Variants in ANO2 observed in about 807,000 individuals in gnomAD.
ANO2 encodes anoctamin 2.
In ANO2, 101 loss-of-function variants were observed where a neutral mutation model predicts 124.2. The ratio of observed to expected loss-of-function variants is 0.81; its 90% confidence interval spans 0.69 to 0.96. The LOEUF is 0.96. ANO2 is among the 40% of genes least tolerant of loss of function. The pLI is 0.00. For synonymous variants in ANO2, 486 were observed against 482.5 expected (o/e 1.01, Z -0.09); for missense variants, 1,293 against 1,274.5 (o/e 1.01, Z -0.22).
chr12:5,764,810 C>T (rs761707811), intron 10 of ANO2, among the ~76,000 whole-genome samples: 12 of 152,148 alleles, frequency 7.9e-5, no homozygotes, highest in African/African-American at 1.2e-4. Context: ...GCACTCTCTC[C>T]ACTCACACAA....
chr12:5,746,375 T>C (rs559273762), intron 11 of ANO2, among the ~76,000 whole-genome samples: 1 of 152,286 alleles, frequency 6.6e-6, no homozygotes, highest in South Asian at 2.1e-4. Flanking sequence ...TATATATGTA[T>C]TGGGGGGTTT....
In ANO2 at chr12:5,744,175, T is replaced by G. The variant is rs201149107; in HGVS notation, c.1333A>C (p.Ile445Leu). The change falls in exon 12 of 25, where the codon ATC (isoleucine) becomes CTC (leucine). Residue 445 changes from isoleucine to leucine, a missense_variant. By Grantham distance (5) the Ile-to-Leu change is conservative. Coordinates refer to ENST00000682330, the MANE Select transcript of ANO2 (RefSeq NM_001364791.2). ...CACATACCCCACAGAGCCATGAAGA[T>G]AGAGAAGAAGACGGTGGCAGGGTTG... ...FDNPATVFFS[I>L]FMALWATMFL... The G allele has an allele frequency of 5.3e-5, 85 of 1,613,028 alleles. No homozygotes were observed. The highest frequency in any genetic ancestry group is 7.1e-5 in the Non-Finnish European group (84 of 1,179,866).
chr12:5,866,808 T>TAC (rs1359070118), intron 3 of ANO2, among the ~76,000 whole-genome samples: 1 of 152,240 alleles, frequency 6.6e-6, no homozygotes, highest in Admixed American at 6.5e-5. Flanking sequence ...ATCAACCCCA[T>TAC]ACTTTCACCC....
intron 16 of ANO2, among the ~76,000 whole-genome samples, chr12:5,619,884 C>A (rs931537882): frequency 2.0e-5 from 3 of 152,334 alleles, no homozygotes; most frequent in Non-Finnish European, 4.4e-5. Flanking sequence ...TCCTGAGGTA[C>A]CACTTGTAAC....
At chr12:5,812,331 GGGAA>G (rs1388468035) in intron 7 of ANO2, among the ~76,000 whole-genome samples, 21 of 138,526 alleles carry the variant, frequency 1.5e-4, no homozygotes, top group African/African-American at 5.8e-4. Flanking sequence ...GAGGGAGGGA[GGGAA>G]GGAGGGAGGA....
intron 14 of ANO2, among the ~76,000 whole-genome samples, chr12:5,683,144 A>T (rs1948571071): frequency 6.6e-6 from 1 of 152,122 alleles, no homozygotes; most frequent in Non-Finnish European, 1.5e-5. Context: ...TTGTAAGACA[A>T]CCTACCTCCA....
In ANO2 at chr12:5,908,267, G is replaced by C. The variant is rs1940825510; in HGVS notation, c.534+12773C>G. On this transcript the variant is annotated intron_variant, in intron 3 of 24. Transcript: ENST00000682330. This position sits in a 1 kb window ranked among gnomAD's most constrained non-coding sequence, Gnocchi z 4.7. ...CCTGAGAAGCCTTCACCCTCCAACG[G>C]CCTGTGGATGAGCTAAGTGTAAGTT... Among the ~76,000 whole-genome samples the C allele has an allele frequency of 6.6e-6, 1 of 152,208 alleles. No individual in the cohort carries two copies. The highest frequency in any genetic ancestry group is 6.5e-5 in the Admixed American group (1 of 15,288).
chr12:5,906,008 A>G (rs1358455733), intron 3 of ANO2, among the ~76,000 whole-genome samples: 1 of 152,180 alleles, frequency 6.6e-6, no homozygotes, highest in African/African-American at 2.4e-5. Flanking sequence ...AGCGGGCTGC[A>G]GATTGCTGTG....
At chr12:5,782,288 G>A (rs1330063378) in intron 10 of ANO2, among the ~76,000 whole-genome samples, 1 of 152,096 alleles carries the variant, frequency 6.6e-6, no homozygotes, top group Non-Finnish European at 1.5e-5. Context: ...TTATATGGTA[G>A]AGCTTTTTTC....
intron 10 of ANO2, among the ~76,000 whole-genome samples, chr12:5,789,498 C>T (rs1591619263): frequency 6.6e-6 from 1 of 152,208 alleles, no homozygotes; most frequent in Non-Finnish European, 1.5e-5. Context: ...GAGGGTTTCC[C>T]GAGTCCCTGC....
chr12:5,776,981 G>T (rs1453454159), intron 10 of ANO2, among the ~76,000 whole-genome samples: 1 of 152,168 alleles, frequency 6.6e-6, no homozygotes, highest in Non-Finnish European at 1.5e-5. Flanking sequence ...CTTAGGGAAG[G>T]GTCACGAACC....
intron 10 of ANO2, among the ~76,000 whole-genome samples, chr12:5,752,960 A>G (rs1410150009): frequency 6.6e-6 from 1 of 152,204 alleles, no homozygotes; most frequent in African/African-American, 2.4e-5. Context: ...TCATTTATTG[A>G]AGAGTAAGTA....
chr12:5,854,113 C>A lies in ANO2; in HGVS notation c.563G>T (p.Arg188Leu), dbSNP rs145000655. 1 of 1,612,984 alleles carries A rather than the reference C, an allele frequency of 6.2e-7. No individual in the cohort carries two copies. The highest frequency in any genetic ancestry group is 1.3e-5 in the African/African-American group (1 of 74,824). ...ENKSQGSIFV[R>L]IHAPWQVLAR... is the part of the protein sequence containing the mutation. ...CAGCACCTGCCACGGGGCGTGTATC[C>A]GGACAAAGATGGATCCCTGGCTTTT... The change falls in exon 4 of 25, where the codon CGG becomes CTG. Residue 188 changes from arginine (R) to leucine (L), a missense_variant. Physicochemically the swap from Arg to Leu is moderately radical, Grantham distance 102. Transcript: ENST00000682330.
chr12:5,901,662 G>C (rs150935098), intron 3 of ANO2, among the ~76,000 whole-genome samples: 147 of 152,280 alleles, frequency 9.7e-4, no homozygotes, highest in African/African-American at 3.5e-3. Flanking sequence ...TGCAGGAGAC[G>C]AGAGATGGAG....
rs905060586 is a variant in ANO2, at chr12:5,925,930, C to T, written c.23-3126G>A. Among the ~76,000 whole-genome samples the T allele has an allele frequency of 1.3e-5, 2 of 152,200 alleles. No individual in the cohort carries two copies. The highest frequency in any genetic ancestry group is 1.3e-4 in the Admixed American group (2 of 15,272). ...GACCTTCATTGTCACCTATTGCTGACGACACTTAAGTTTCACTCTAACTCT... is the reference window on the plus strand; with the variant it reads ...GACCTTCATTGTCACCTATTGCTGATGACACTTAAGTTTCACTCTAACTCT... On this transcript the variant is annotated intron_variant, in intron 1 of 24. Transcript: ENST00000682330. The surrounding 1 kb of genome is among the most constrained non-coding windows in gnomAD (Gnocchi z 4.6).
chr12:5,701,010 A>G (rs180861549), intron 14 of ANO2, among the ~76,000 whole-genome samples: 1 of 148,216 alleles, frequency 6.7e-6, no homozygotes, highest in African/African-American at 2.4e-5. Flanking sequence ...ATGCTCCCAA[A>G]TCCATCCGTC....
At chr12:5,631,512 C>T (rs1937634412) in intron 16 of ANO2, among the ~76,000 whole-genome samples, 1 of 152,202 alleles carries the variant, frequency 6.6e-6, no homozygotes, top group South Asian at 2.1e-4. Context: ...AGAGCAGGGA[C>T]CTTGTCGCTT....
intron 1 of ANO2, among the ~76,000 whole-genome samples, chr12:5,935,671 C>T (rs1942616745): frequency 6.6e-6 from 1 of 152,110 alleles, no homozygotes; most frequent in Non-Finnish European, 1.5e-5. Context: ...GGAGAAGGAG[C>T]CTGTCATGGG....
At chr12:5,722,844 C>T (rs527445449) in intron 14 of ANO2, among the ~76,000 whole-genome samples, 42 of 152,250 alleles carry the variant, frequency 2.8e-4, no homozygotes, top group South Asian at 4.2e-4. Flanking sequence ...CTGCTAGCTC[C>T]GGCTGCTTTT....
Sources: gnomAD v4.1 joint callset for allele counts (sites outside exome capture counted in the v4.1 genomes callset) on GRCh38, gnomAD v4.1.1 for gene constraint, Gnocchi (gnomAD v3.1) non-coding constraint, MANE v1.5 for transcripts, NCBI Gene and HGNC (gene_info 2026-07-23, HGNC 2026-07-21) for gene names.